Variants in FBXL15 observed in about 807,000 individuals in gnomAD.
FBXL15 encodes F-box/LRR-repeat protein 15.
Under a neutral mutation model 23.6 loss-of-function variants are expected in FBXL15, and 19 were observed. That is an observed-to-expected ratio of 0.81 (90% CI 0.56 to 1.18). The LOEUF (loss-of-function observed/expected upper bound fraction) is 1.18. Among genes scored for constraint, FBXL15 ranks in the 50% most tolerant of loss-of-function variants. The pLI is 0.00. For missense variants in FBXL15, 385 were observed against 425.4 expected (o/e 0.91, Z 0.83); for synonymous variants, 224 against 207.7 (o/e 1.08, Z -0.67).
Position 102,422,981 on chromosome 10 carries a change from C to T in FBXL15, c.891C>T (p.Asn297=). Residue 297 remains asparagine (N), a synonymous_variant, in exon 4 of 4, where the codon AAC becomes AAT. Transcript: ENST00000369956. ...TGGCGGGCTTCGCACCTTTTGTCAA[C>T]CTGCAGGTCTGACCCGCCTGCCAAT... ...QDMAGFAPFV[N]LQV is the part of the protein sequence containing the mutation. The T allele has an allele frequency of 2.6e-6, 4 of 1,557,320 alleles. No homozygotes were observed. Among genetic ancestry groups the T allele is most frequent in the Non-Finnish European group, 3.5e-6 (4 of 1,150,850 alleles).
chr10:102,422,204 G>A lies in FBXL15; in HGVS notation c.625G>A (p.Ala209Thr), dbSNP rs988694170. The A allele has an allele frequency of 7.2e-6, 11 of 1,532,142 alleles. No homozygotes were observed. In the African/African-American group the frequency reaches 1.2e-4, roughly 17 times the overall value. The allele number at this position is 1,532,142 out of a possible 1,614,324, so 94.9% of individuals were successfully genotyped here. Residue 209 changes from alanine to threonine, a missense_variant, in exon 3 of 4, where the codon GCC becomes ACC. Physicochemically the swap from Ala to Thr is moderately conservative, Grantham distance 58. Around this residue, in one of 2 missense-constraint regions of FBXL15, gnomAD observed 255 missense variants for 330.2 expected, o/e 0.77. Coordinates refer to ENST00000369956, the MANE Select transcript of FBXL15 (RefSeq NM_024326.4). ...GGCCGTCAACGCCAACGTGGGGGAC[G>A]CCGCGGTTCAAGAGTTGGCTCGGAA... ...SLAVNANVGD[A>T]AVQELARNCP...
chr10:102,422,846 G>T lies in FBXL15; in HGVS notation c.756G>T (p.Val252=). Residue 252 remains valine (V), a synonymous_variant, in exon 4 of 4, where the codon GTG becomes GTT. Coordinates refer to ENST00000369956, the MANE Select transcript of FBXL15 (RefSeq NM_024326.4). ...GCCCCGTGCTGCGTTCGCTGCGGGT[G>T]CGGCACTGCCACCATGTGGCGGAGT... ...EYCPVLRSLR[V]RHCHHVAESS... 1 of 1,610,056 alleles carries T rather than the reference G, an allele frequency of 6.2e-7. No homozygotes were observed.
chr10:102,422,197 G>A lies in FBXL15; in HGVS notation c.618G>A (p.Val206=). The part of the protein sequence containing the change: ...RSLSLAVNAN[V]GDAAVQELAR... ...TCTCTCTGGCCGTCAACGCCAACGT[G>A]GGGGACGCCGCGGTTCAAGAGTTGG... Residue 206 remains valine (V), a synonymous_variant, in exon 3 of 4, where the codon GTG becomes GTA. Coordinates refer to ENST00000369956, the MANE Select transcript of FBXL15 (RefSeq NM_024326.4). 6.5e-7 allele frequency: 1 copy of A among 1,534,564 alleles called. No homozygotes were observed.
intron 1 of FBXL15, 62 bp downstream of exon 1, chr10:102,421,244 G>C: frequency 6.3e-7 from 1 of 1,584,248 alleles, no homozygotes; most frequent in Non-Finnish European, 8.6e-7. Context: ...CCGAGCCGGG[G>C]CTGGGTCTGG....
At chr10:102,421,551 C>T in intron 2 of FBXL15, 44 bp downstream of exon 2, 2 of 1,443,116 alleles carry the variant, frequency 1.4e-6, no homozygotes, top group Admixed American at 2.7e-5. Flanking sequence ...GGTACCGCCC[C>T]GCCTCTAGCC....
chr10:102,422,884 G>A lies in FBXL15; in HGVS notation c.794G>A (p.Arg265His). The change falls in exon 4 of 4, where the codon CGC becomes CAC. Residue 265 changes from arginine (R) to histidine (H), a missense_variant. By Grantham distance (29) the Arg-to-His change is conservative. This residue lies in a region of FBXL15 where 255 missense variants were observed against 330.2 expected (regional missense o/e 0.77). Coordinates refer to ENST00000369956, the MANE Select transcript of FBXL15 (RefSeq NM_024326.4). ...CHHVAESSLS[R>H]LRKRGVDIDV... ...CATGTGGCGGAGTCCAGCCTGAGCC[G>A]CTTGCGGAAGCGCGGCGTGGACATC... 6.2e-7 allele frequency: 1 copy of A among 1,609,772 alleles called. No individual in the cohort carries two copies.
At chr10:102,421,708 A>C in intron 2 of FBXL15, 79 bp from the exon 3 acceptor site, 2 of 1,477,894 alleles carry the variant, frequency 1.4e-6, no homozygotes, top group South Asian at 2.6e-5. Context: ...GGCTGCCAGA[A>C]AAGAACTCAG....
Position 102,422,785 on chromosome 10 carries a change from C to T in FBXL15, c.714-19C>T. The T allele has an allele frequency of 6.3e-7, 1 of 1,595,278 alleles. No homozygotes were observed. Among genetic ancestry groups the T allele is most frequent in the Admixed American group, 1.7e-5 (1 of 59,406 alleles). ...TGTGGTGGCCTCATGTCCCTAGCCT[C>T]ACCCTGCTCCTCCCTCAGGACATTG... On this transcript the variant is annotated intron_variant, in intron 3 of 3. Transcript: ENST00000369956.
intron 2 of FBXL15, 101 bp downstream of exon 2, chr10:102,421,608 C>T (rs1589903521): frequency 2.1e-6 from 3 of 1,426,352 alleles, no homozygotes; most frequent in Admixed American, 2.8e-5. Flanking sequence ...CTTGGGCCGC[C>T]GGGGCTGCCC....
At position 102,421,970 on chromosome 10, in the gene FBXL15, G is replaced by A; in HGVS notation, c.391G>A (p.Ala131Thr). ...CGGCTGCGGGCAACTGAGTCGCCGG[G>A]CGCTTGGGGCTTTGGCCGAGGGCTG... ...LGGCGQLSRR[A>T]LGALAEGCPR... Residue 131 changes from alanine to threonine, a missense_variant, in exon 3 of 4, where the codon GCG (alanine) becomes ACG (threonine). By Grantham distance (58) the Ala-to-Thr change is moderately conservative (BLOSUM62 0). This residue lies in a region of FBXL15 where 255 missense variants were observed against 330.2 expected (regional missense o/e 0.77). Transcript: ENST00000369956. 2 of 1,597,986 alleles carry A rather than the reference G, an allele frequency of 1.3e-6. No individual in the cohort carries two copies. The highest frequency in any genetic ancestry group is 4.5e-5 in the East Asian group (2 of 44,660).
At chr10:102,421,736 G>A in intron 2 of FBXL15, 51 bp from the exon 3 acceptor site, 1 of 1,514,084 alleles carries the variant, frequency 6.6e-7, no homozygotes, top group Non-Finnish European at 8.8e-7. Flanking sequence ...GTGCATAGGC[G>A]GCTGAGGAGT....
chr10:102,421,131 T>TG lies in FBXL15; in HGVS notation c.4dup (p.Glu2?). 1 of 1,609,440 alleles carries TG rather than the reference T, an allele frequency of 6.2e-7. No individual in the cohort carries two copies. The highest frequency in any genetic ancestry group is 8.5e-7 in the Non-Finnish European group (1 of 1,177,922). On this transcript the variant is annotated frameshift_variant and start_lost, in exon 1 of 4. Transcript: ENST00000369956. LOFTEE classifies it high-confidence loss of function. Reference sequence around the variant, plus strand: ...CTGCGCACGCGCAATAGACAGCCGATGGAGCCACCGATGGAGCCGTCCGGA... The same window carrying TG: ...CTGCGCACGCGCAATAGACAGCCGATGGGAGCCACCGATGGAGCCGTCCGGA...
chr10:102,421,577 C>A, intron 2 of FBXL15, 70 bp downstream of exon 2: 1 of 1,435,010 alleles, frequency 7.0e-7, no homozygotes, highest in Non-Finnish European at 9.1e-7. Context: ...CCCAGCCCCG[C>A]AGTATGCCCT....
rs1378781426 is a variant in FBXL15 at position 102,421,349 on chromosome 10, C to T, written c.54-5C>T. The T allele has an allele frequency of 3.2e-6, 5 of 1,552,138 alleles. No homozygotes were observed. The highest frequency in any genetic ancestry group is 4.6e-5 in the East Asian group (2 of 43,864). ...ACGCCAGTGCCAACGCCCCTTTACT[C>T]GCAGGTTCCTGGACCTGCCCTGGGA... is the stretch of plus-strand genomic sequence containing the variant. On this transcript the variant is annotated splice_polypyrimidine_tract_variant and splice_region_variant and intron_variant, in intron 1 of 3. Coordinates refer to ENST00000369956, the MANE Select transcript of FBXL15 (RefSeq NM_024326.4).
chr10:102,421,175 G>T lies in FBXL15; in HGVS notation c.46G>T (p.Ala16Ser), dbSNP rs2061555499. Reference sequence around the variant, plus strand: ...GTCCGGAGGGGAGCAAGAGCCCGGAGCCGTCAGGTACCGAGCACCGGAGGG... The same window carrying T: ...GTCCGGAGGGGAGCAAGAGCCCGGATCCGTCAGGTACCGAGCACCGGAGGG... ...EPSGGEQEPG[A>S]VRFLDLPWED... Residue 16 changes from alanine to serine, a missense_variant, in exon 1 of 4, where the codon GCC (alanine) becomes TCC (serine). By Grantham distance (99) the Ala-to-Ser change is moderately conservative. Coordinates refer to ENST00000369956, the MANE Select transcript of FBXL15 (RefSeq NM_024326.4). 1 of 1,610,534 alleles carries T rather than the reference G, an allele frequency of 6.2e-7. No individual in the cohort carries two copies. Among genetic ancestry groups the T allele is most frequent in the African/African-American group, 1.3e-5 (1 of 74,882 alleles).
intron 3 of FBXL15, 132 bp downstream of exon 3, chr10:102,422,424 C>A: frequency 8.6e-7 from 1 of 1,163,550 alleles, no homozygotes; most frequent in Non-Finnish European, 1.1e-6. Flanking sequence ...CCATTCTGAA[C>A]AGAAAGGGCC....
chr10:102,421,188 G>C lies in FBXL15; in HGVS notation c.53+6G>C. The C allele has an allele frequency of 1.9e-6, 3 of 1,608,292 alleles. No homozygotes were observed. The highest frequency in any genetic ancestry group is 1.7e-6 in the Non-Finnish European group (2 of 1,177,532). The stretch of plus-strand genomic sequence containing the variant: ...CAAGAGCCCGGAGCCGTCAGGTACC[G>C]AGCACCGGAGGGGCCGAGAGGGAAG... On this transcript the variant is annotated splice_donor_region_variant and intron_variant, in intron 1 of 3. Coordinates refer to ENST00000369956, the MANE Select transcript of FBXL15 (RefSeq NM_024326.4).
intron 1 of FBXL15, 27 bp downstream of exon 1, chr10:102,421,209 G>T (rs748999595): frequency 6.2e-7 from 1 of 1,602,046 alleles, no homozygotes; most frequent in East Asian, 2.2e-5. Flanking sequence ...GGGCCGAGAG[G>T]GAAGAGGAAC....
chr10:102,422,396 C>T, intron 3 of FBXL15, 104 bp downstream of exon 3: 1 of 1,312,128 alleles, frequency 7.6e-7, no homozygotes, highest in East Asian at 2.8e-5. Context: ...CTGAATCTTC[C>T]TGCAAACCAC....
Sources: gnomAD v4.1 joint callset for allele counts on GRCh38, gnomAD v4.1.1 for gene constraint, gnomAD v4.1.1 regional missense constraint, MANE v1.5 for transcripts, NCBI Gene and HGNC (gene_info 2026-07-23, HGNC 2026-07-21) for gene names.